RPS6KA6: variants seen among roughly 807,000 people sequenced by gnomAD.
The protein encoded by RPS6KA6 is ribosomal protein S6 kinase A6, also known as ribosomal protein S6 kinase alpha-6.
RPS6KA6 carries 27 observed loss-of-function variants against 65.4 expected under a neutral mutation model. That is an observed-to-expected ratio of 0.41 (90% CI 0.30 to 0.57). RPS6KA6 has a LOEUF of 0.57. Ranked by LOEUF, RPS6KA6 falls within the 20% of genes least tolerant of loss-of-function variation. The pLI, the probability that RPS6KA6 is intolerant of heterozygous loss-of-function variation, is 0.24. For missense variants in RPS6KA6, 486 were observed against 555.6 expected, an observed-to-expected ratio of 0.87 and a Z score of 1.26; for synonymous variants, 190 against 184.2, an observed-to-expected ratio of 1.03 and a Z score of -0.26.
At position 84,105,845 on chromosome X, in the gene RPS6KA6, T is replaced by C; in HGVS notation, c.1397A>G (p.Glu466Gly). 1.7e-6 allele frequency: 2 copies of C among 1,167,420 alleles called. No homozygotes were observed. The highest frequency in any genetic ancestry group is 2.3e-6 in the Non-Finnish European group (2 of 862,214). Residue 466 changes from glutamate (E) to glycine (G), a missense_variant, in exon 16 of 22, where the codon GAA becomes GGA. This residue lies in a region of RPS6KA6 where 345 missense variants were observed against 375.0 expected (regional missense o/e 0.92). Transcript: ENST00000262752. ...IIDKSKRDPS[E>G]EIEILMRYGQ... ...ATAGCGCATCAATATTTCAATCTCT[T>C]CTGAAGGGTCTCGCTTACTTTTGTC...
chrX:84,113,453 A>G (rs1457931907), intron 12 of RPS6KA6, among the ~76,000 whole-genome samples: 1 of 112,217 alleles, frequency 8.9e-6, no homozygotes, highest in Non-Finnish European at 1.9e-5. Flanking sequence ...CACATGCAAA[A>G]AATAGTTAAT....
intron 3 of RPS6KA6, among the ~76,000 whole-genome samples, chrX:84,152,189 A>C (rs997130397): frequency 1.8e-5 from 2 of 110,786 alleles, no homozygotes; most frequent in African/African-American, 3.3e-5. Flanking sequence ...AACCTGTTTA[A>C]CACCTGATCT....
At chrX:84,079,178 G>A (rs2075483014) in intron 20 of RPS6KA6, among the ~76,000 whole-genome samples, 1 of 110,772 alleles carries the variant, frequency 9.0e-6, no homozygotes, top group Non-Finnish European at 1.9e-5. Context: ...GCTGAAGGAG[G>A]GTGGGGCATC....
At chrX:84,079,149 T>A (rs1221062346) in intron 20 of RPS6KA6, among the ~76,000 whole-genome samples, 1 of 110,502 alleles carries the variant, frequency 9.0e-6, no homozygotes, top group East Asian at 2.9e-4. Flanking sequence ...AGACAGTGGG[T>A]ACAGCCCACA....
At chrX:84,155,753 T>C (rs904438470) in intron 3 of RPS6KA6, among the ~76,000 whole-genome samples, 6 of 112,276 alleles carry the variant, frequency 5.3e-5, no homozygotes, top group Non-Finnish European at 1.1e-4. Context: ...CATGCCAGCA[T>C]GGGAACAAGG....
chrX:84,141,067 C>A (rs2035093832), intron 6 of RPS6KA6, among the ~76,000 whole-genome samples: 1 of 110,564 alleles, frequency 9.0e-6, no homozygotes, highest in African/African-American at 3.3e-5. Context: ...GAACTGCATC[C>A]TAGAAAAAAG....
At chrX:84,162,970 G>A (rs2035536278) in intron 2 of RPS6KA6, among the ~76,000 whole-genome samples, 1 of 111,928 alleles carries the variant, frequency 8.9e-6, no homozygotes. Flanking sequence ...AATTAAAAGT[G>A]TTGTTACATG....
chrX:84,166,203 G>T (rs949908426), intron 1 of RPS6KA6, among the ~76,000 whole-genome samples: 1 of 111,787 alleles, frequency 8.9e-6, no homozygotes, highest in Admixed American at 9.5e-5. Context: ...GAGAGGACAA[G>T]ACATAACTTT....
chrX:84,114,488 AAAAC>A (rs1031395699), intron 12 of RPS6KA6, among the ~76,000 whole-genome samples: 5 of 110,850 alleles, frequency 4.5e-5, no homozygotes, highest in South Asian at 3.8e-4. Flanking sequence ...ACGCTGTCAA[AAAAC>A]AAACAAACAA....
chrX:84,171,396 CCT>C (rs1394187699), intron 1 of RPS6KA6, among the ~76,000 whole-genome samples: 25 of 111,513 alleles, frequency 2.2e-4, no homozygotes, highest in Middle Eastern at 9.4e-3. Context: ...AAAATTCTCC[CCT>C]GAAACAGACT....
intron 1 of RPS6KA6, among the ~76,000 whole-genome samples, chrX:84,168,779 G>A (rs769039515): frequency 3.6e-5 from 4 of 111,485 alleles, no homozygotes; most frequent in Admixed American, 9.5e-5. Flanking sequence ...TGGGTCTGAA[G>A]GAACTAGAAA....
intron 1 of RPS6KA6, among the ~76,000 whole-genome samples, chrX:84,170,896 A>G (rs927420636): frequency 4.5e-5 from 5 of 111,348 alleles, no homozygotes; most frequent in Middle Eastern, 4.6e-3. Context: ...ACTGTGTCAT[A>G]TAAGACTCTA....
At chrX:84,112,217 G>A in intron 12 of RPS6KA6, among the ~76,000 whole-genome samples, 1 of 110,824 alleles carries the variant, frequency 9.0e-6, no homozygotes, top group Admixed American at 9.6e-5. Flanking sequence ...GAGATTGATG[G>A]CAATACAATA....
intron 20 of RPS6KA6, among the ~76,000 whole-genome samples, chrX:84,077,923 CCAT>C (rs767080622): frequency 1.1e-3 from 118 of 112,216 alleles, no homozygotes; most frequent in Admixed American, 3.1e-3. Flanking sequence ...GTCAGTCAAA[CCAT>C]CATAAGTTGG....
At chrX:84,182,374 C>T (rs2035869246) in intron 1 of RPS6KA6, among the ~76,000 whole-genome samples, 1 of 111,285 alleles carries the variant, frequency 9.0e-6, no homozygotes, top group Non-Finnish European at 1.9e-5. Context: ...ATAGCAAATT[C>T]TGACAAAGTA....
chrX:84,072,660 C>T (rs1390314312), intron 20 of RPS6KA6, among the ~76,000 whole-genome samples: 1 of 111,659 alleles, frequency 9.0e-6, no homozygotes, highest in Non-Finnish European at 1.9e-5. Flanking sequence ...ACTAAAGATG[C>T]CACCAAAAAT....
At chrX:84,084,161 C>T (rs939071438) in intron 20 of RPS6KA6, among the ~76,000 whole-genome samples, 8 of 112,365 alleles carry the variant, frequency 7.1e-5, no homozygotes, top group African/African-American at 2.6e-4. Flanking sequence ...TGTAGTCTCT[C>T]TGTTCACTCT....
At chrX:84,169,011 T>C (rs772718066) in intron 1 of RPS6KA6, among the ~76,000 whole-genome samples, 55 of 112,143 alleles carry the variant, frequency 4.9e-4, no homozygotes, top group Non-Finnish European at 8.5e-4. Context: ...ACAAAAATAA[T>C]TTCTGAATTC....
intron 1 of RPS6KA6, among the ~76,000 whole-genome samples, chrX:84,165,607 T>C (rs889745618): frequency 9.0e-6 from 1 of 111,148 alleles, no homozygotes; most frequent in African/African-American, 3.3e-5. Context: ...AGACGCACTT[T>C]TGAGCCTGTA....
Sources: gnomAD v4.1 joint callset for allele counts (sites outside exome capture counted in the v4.1 genomes callset) on GRCh38, gnomAD v4.1.1 for gene constraint, gnomAD v4.1.1 regional missense constraint, MANE v1.5 for transcripts, NCBI Gene and HGNC (gene_info 2026-07-23, HGNC 2026-07-21) for gene names.